The following CDC73 variants were observed in gnomAD, a reference collection of about 807,000 sequenced individuals.
The protein encoded by CDC73 is cell division cycle 73.
CDC73 carries 21 observed loss-of-function variants against 83.7 expected under a neutral mutation model. The ratio of observed to expected loss-of-function variants is 0.25; its 90% CI spans 0.18 to 0.36. The LOEUF is 0.36. Ranked by LOEUF, CDC73 falls within the 10% of genes least tolerant of loss-of-function variation. CDC73 has a pLI of 1.00. For synonymous variants in CDC73, 224 were observed against 212.9 expected, an observed-to-expected ratio of 1.05 and a Z score of -0.45; for missense variants, 342 against 653.3, an observed-to-expected ratio of 0.52 and a Z score of 5.19.
chr1:193,186,672 C>T (rs943811455), intron 10 of CDC73: 1 of 151,976 alleles, frequency 6.6e-6, no homozygotes, highest in African/African-American at 2.4e-5. Flanking sequence ...TTGGCTGAAT[C>T]CCACGTGATT....
chr1:193,230,569 T>C (rs541795589), intron 13 of CDC73, among the ~76,000 whole-genome samples: 14 of 149,152 alleles, frequency 9.4e-5, no homozygotes, highest in Non-Finnish European at 1.9e-4. Flanking sequence ...GAGATACATA[T>C]GAAACAATTG....
chr1:193,201,454 G>C (rs1018618856), intron 10 of CDC73, among the ~76,000 whole-genome samples: 14 of 152,158 alleles, frequency 9.2e-5, no homozygotes, highest in Non-Finnish European at 1.8e-4. Flanking sequence ...CATCATCAGT[G>C]ATTTTAGGCT....
At chr1:193,210,762 CATG>C (rs1265240486) in intron 11 of CDC73, among the ~76,000 whole-genome samples, 2 of 152,114 alleles carry the variant, frequency 1.3e-5, no homozygotes, top group South Asian at 2.1e-4. Flanking sequence ...GTATGTATAA[CATG>C]ATCACAATCA....
chr1:193,147,731 A>G (rs1347747870), intron 7 of CDC73, 136 bp from the exon 8 acceptor site: 7 of 664,806 alleles, frequency 1.1e-5, no homozygotes, highest in East Asian at 2.8e-5. Flanking sequence ...GTTTTTACAT[A>G]TGTGTATAAT....
intron 10 of CDC73, among the ~76,000 whole-genome samples, chr1:193,164,026 C>T (rs1233959745): frequency 3.3e-5 from 5 of 152,162 alleles, no homozygotes; most frequent in African/African-American, 9.7e-5. Flanking sequence ...GATCGGTGGC[C>T]TCCCAAAGTG....
chr1:193,123,300 T>C (rs903464571), intron 1 of CDC73, among the ~76,000 whole-genome samples: 20 of 152,202 alleles, frequency 1.3e-4, no homozygotes, highest in African/African-American at 4.6e-4. Flanking sequence ...CGATCTTGGC[T>C]CACTGCAATC....
Position 193,180,215 on chromosome 1 carries a change from C to T in CDC73, c.973-23580C>T, listed in dbSNP as rs1676688841. ...TGATGAGTTTTAACTAAAACTTGTC[C>T]TACGGATGTAATCAGTTCTAACTAT... On this transcript the variant is annotated intron_variant, in intron 10 of 16. Coordinates refer to ENST00000367435, the MANE Select transcript of CDC73 (RefSeq NM_024529.5). The T allele has an allele frequency of 5.6e-6, 7 of 1,259,866 alleles. No homozygotes were observed. The South Asian group carries it at 6.0e-5, about 11-fold the overall frequency. 78.0% of individuals were successfully genotyped at this position (1,259,866 alleles called of 1,614,324 possible).
At chr1:193,237,327 TA>T (rs981278016) in intron 15 of CDC73, among the ~76,000 whole-genome samples, 2 of 151,392 alleles carry the variant, frequency 1.3e-5, no homozygotes, top group Non-Finnish European at 1.5e-5. Context: ...TTCATTCATT[TA>T]AAAAAAAAGA....
At chr1:193,250,313 C>T (rs1056024235) in intron 16 of CDC73, among the ~76,000 whole-genome samples, 2 of 151,642 alleles carry the variant, frequency 1.3e-5, no homozygotes, top group Non-Finnish European at 3.0e-5. Context: ...TTCATAAAGC[C>T]CTTTACATTA....
intron 10 of CDC73, chr1:193,186,287 G>C (rs747443534): frequency 6.6e-6 from 1 of 152,132 alleles, no homozygotes; most frequent in Non-Finnish European, 1.5e-5. Context: ...GTAGTTGCCC[G>C]TTCTGCTTGT....
chr1:193,223,315 A>G (rs1033970208), intron 13 of CDC73, among the ~76,000 whole-genome samples: 1 of 152,098 alleles, frequency 6.6e-6, no homozygotes, highest in African/African-American at 2.4e-5. Context: ...TTGATCTCCA[A>G]GTGAATATGA....
intron 2 of CDC73, among the ~76,000 whole-genome samples, chr1:193,125,742 A>G (rs962686732): frequency 6.6e-6 from 1 of 151,412 alleles, no homozygotes; most frequent in East Asian, 1.9e-4. Flanking sequence ...ATGCCGGGCT[A>G]ATTTTTGTAT....
At chr1:193,204,203 ACG>A (rs1433592554) in intron 11 of CDC73, among the ~76,000 whole-genome samples, 181 of 72,368 alleles carry the variant, frequency 2.5e-3, no homozygotes, top group African/African-American at 8.3e-3. Flanking sequence ...ACATATATAT[ACG>A]TGTATATATA....
At chr1:193,190,751 ATACT>A (rs146188966) in intron 10 of CDC73, among the ~76,000 whole-genome samples, 8 of 152,322 alleles carry the variant, frequency 5.3e-5, no homozygotes, top group African/African-American at 1.9e-4. Context: ...GATTTGGCAA[ATACT>A]TTATTATGCT....
At chr1:193,127,289 ATG>A (rs34948918) in intron 2 of CDC73, among the ~76,000 whole-genome samples, 851 of 143,216 alleles carry the variant, frequency 5.9e-3, no homozygotes, top group African/African-American at 0.014. Flanking sequence ...AAAAAAAAAA[ATG>A]TGTGTGTGTG....
intron 3 of CDC73, among the ~76,000 whole-genome samples, chr1:193,135,043 T>C (rs1286305956): frequency 6.8e-5 from 5 of 73,596 alleles, no homozygotes; most frequent in Non-Finnish European, 2.1e-4. Context: ...CATATATATG[T>C]GTGTGTATGT....
chr1:193,158,330 CATACTT>C (rs1451345568), intron 10 of CDC73, among the ~76,000 whole-genome samples: 25 of 151,804 alleles, frequency 1.6e-4, no homozygotes, highest in African/African-American at 5.6e-4. Flanking sequence ...TGTTAGGACT[CATACTT>C]AGAAAGAAAT....
intron 10 of CDC73, among the ~76,000 whole-genome samples, chr1:193,178,846 T>G (rs1328949002): frequency 6.6e-6 from 1 of 152,138 alleles, no homozygotes. Context: ...CTTCTGGTGA[T>G]TTATCCCTTA....
At chr1:193,205,808 GAA>G (rs1677179880) in intron 11 of CDC73, among the ~76,000 whole-genome samples, 1 of 152,068 alleles carries the variant, frequency 6.6e-6, no homozygotes, top group Non-Finnish European at 1.5e-5. Context: ...CAGGAAGGAA[GAA>G]AAAAGTGAAG....
Sources: allele counts gnomAD v4.1 joint callset (sites outside exome capture counted in the v4.1 genomes callset), GRCh38; gene constraint gnomAD v4.1.1; transcripts MANE v1.5; gene names NCBI Gene and HGNC (gene_info 2026-07-23, HGNC 2026-07-21).